The following PTPRT variants were observed in gnomAD, a reference collection of about 807,000 sequenced individuals.
The protein encoded by PTPRT is receptor-type tyrosine-protein phosphatase T.
PTPRT carries 56 observed loss-of-function variants against 176.8 expected under a neutral mutation model. That is an observed-to-expected ratio of 0.32 (90% CI 0.26 to 0.40). The LOEUF (loss-of-function observed/expected upper bound fraction) is 0.40. Among genes scored for constraint, PTPRT ranks in the 10% least tolerant of loss-of-function variants. The pLI is 1.00. For missense variants in PTPRT, 1,540 were observed against 1,908.2 expected (o/e 0.81, Z 3.60); for synonymous variants, 783 against 739.0 (o/e 1.06, Z -0.96).
At chr20:42,929,996 C>A (rs2145970389) in intron 1 of PTPRT, among the ~76,000 whole-genome samples, 1 of 152,324 alleles carries the variant, frequency 6.6e-6, no homozygotes, top group East Asian at 1.9e-4. Flanking sequence ...CAAATGGTCC[C>A]CCAATTAGGA....
At chr20:43,168,458 G>A (rs1405829693) in intron 1 of PTPRT, among the ~76,000 whole-genome samples, 2 of 152,144 alleles carry the variant, frequency 1.3e-5, no homozygotes, top group Non-Finnish European at 2.9e-5. Context: ...GGTATCCTCT[G>A]GTTGGGAATC....
At chr20:42,788,754 T>G (rs1289170019) in intron 3 of PTPRT, among the ~76,000 whole-genome samples, 2 of 152,206 alleles carry the variant, frequency 1.3e-5, no homozygotes, top group Non-Finnish European at 2.9e-5. Flanking sequence ...AGGATGAGAA[T>G]GAGCAGAACC....
intron 16 of PTPRT, among the ~76,000 whole-genome samples, chr20:42,184,595 C>CT (rs1990684333): frequency 1.2e-3 from 34 of 29,420 alleles, no homozygotes; most frequent in South Asian, 6.5e-3. Flanking sequence ...CTTCTTCTTC[C>CT]TCTTCTTCTT....
At chr20:43,003,566 T>C (rs1984701637) in intron 1 of PTPRT, among the ~76,000 whole-genome samples, 1 of 152,218 alleles carries the variant, frequency 6.6e-6, no homozygotes, top group African/African-American at 2.4e-5. Flanking sequence ...GCCAGCAACA[T>C]GGGCATCACC....
chr20:42,317,287 C>T (rs2057734506), intron 11 of PTPRT, among the ~76,000 whole-genome samples: 1 of 152,126 alleles, frequency 6.6e-6, no homozygotes, highest in African/African-American at 2.4e-5. Context: ...TATTGAATAT[C>T]AACTGATACC....
rs2015477588 is a variant in PTPRT at position 43,189,320 on chromosome 20, G to A, written c.88+326C>T. 1.3e-5 allele frequency among the ~76,000 whole-genome samples: 2 copies of A among 152,202 alleles called. No individual in the cohort carries two copies. The highest frequency in any genetic ancestry group is 4.1e-4 in the South Asian group (2 of 4,838). ...TCTCGCCGCCCCAAACACTCAAGTG[G>A]CAGATTCCGACAAGTGGGAGGCAGC... On this transcript the variant is annotated intron_variant, in intron 1 of 30. Coordinates refer to ENST00000373187, the MANE Select transcript of PTPRT (RefSeq NM_007050.6). The surrounding 1 kb of genome is among the most constrained non-coding windows in gnomAD (Gnocchi z 5.0).
chr20:43,146,558 C>CA lies in PTPRT; in HGVS notation c.88+43087dup, dbSNP rs11324602. ...AAATAAAGACTCTTCACTTCTGAAC[C>CA]AAAAAAAAAAAAAATCACCCCAAAA... On this transcript the variant is annotated intron_variant, in intron 1 of 30. Coordinates refer to ENST00000373187, the MANE Select transcript of PTPRT (RefSeq NM_007050.6). Among the ~76,000 whole-genome samples the CA allele has an allele frequency of 2.3e-3, 327 of 144,174 alleles. 2 individuals carry two copies. The highest frequency in any genetic ancestry group is 0.013 in the East Asian group (65 of 4,964). 94.6% of individuals were successfully genotyped at this position (144,174 alleles called of 152,430 possible).
chr20:42,424,854 T>C (rs1004620429), intron 9 of PTPRT, among the ~76,000 whole-genome samples: 1 of 150,158 alleles, frequency 6.7e-6, no homozygotes, highest in Non-Finnish European at 1.5e-5. Context: ...TGTAGGGAGA[T>C]GGTTCCAGTA....
At chr20:42,293,378 T>A (rs2057345287) in intron 12 of PTPRT, among the ~76,000 whole-genome samples, 1 of 152,106 alleles carries the variant, frequency 6.6e-6, no homozygotes, top group Non-Finnish European at 1.5e-5. Flanking sequence ...AACTGACCAT[T>A]CCCTCCTTGA....
At chr20:42,984,909 G>T (rs185960631) in intron 1 of PTPRT, among the ~76,000 whole-genome samples, 1 of 152,164 alleles carries the variant, frequency 6.6e-6, no homozygotes, top group African/African-American at 2.4e-5. Context: ...AAGTGCTAAC[G>T]ACAGAGGCTG....
intron 2 of PTPRT, among the ~76,000 whole-genome samples, chr20:42,882,598 C>G (rs1318796718): frequency 6.6e-6 from 1 of 152,174 alleles, no homozygotes; most frequent in Non-Finnish European, 1.5e-5. Context: ...TCATTCATTC[C>G]TGTATTAATA....
chr20:42,245,983 T>C lies in PTPRT; in HGVS notation c.2312+2704A>G, dbSNP rs536922987. Among the ~76,000 whole-genome samples the C allele has an allele frequency of 9.2e-5, 14 of 152,308 alleles. No individual in the cohort carries two copies. In the South Asian group the frequency reaches 1.4e-3, roughly 16 times the overall value. On this transcript the variant is annotated intron_variant, in intron 14 of 30. Transcript: ENST00000373187. ...TGAGTCCAAGCACTGTAGGTGATGATAGGACACTGAGGAGATGTTAACACT... is the reference window on the plus strand; with the variant it reads ...TGAGTCCAAGCACTGTAGGTGATGACAGGACACTGAGGAGATGTTAACACT...
intron 1 of PTPRT, among the ~76,000 whole-genome samples, chr20:43,186,503 T>C (rs534353851): frequency 1.3e-5 from 2 of 152,330 alleles, no homozygotes; most frequent in South Asian, 4.1e-4. Flanking sequence ...GAAAGAGTGA[T>C]GCTGTCATGT....
At chr20:42,298,631 T>C (rs1470294421) in intron 12 of PTPRT, among the ~76,000 whole-genome samples, 1 of 152,098 alleles carries the variant, frequency 6.6e-6, no homozygotes, top group African/African-American at 2.4e-5. Flanking sequence ...AATCACATAA[T>C]AGAGTACTGT....
intron 7 of PTPRT, among the ~76,000 whole-genome samples, chr20:42,596,146 A>C (rs1221225577): frequency 6.6e-6 from 1 of 152,166 alleles, no homozygotes; most frequent in African/African-American, 2.4e-5. Context: ...CAAGGCCCAG[A>C]GTGTCCAGTG....
At chr20:42,765,940 C>T (rs964372788) in intron 5 of PTPRT, among the ~76,000 whole-genome samples, 2 of 151,968 alleles carry the variant, frequency 1.3e-5, no homozygotes, top group Admixed American at 6.6e-5. Flanking sequence ...ACATTTTTGT[C>T]CCCATCTCTA....
chr20:43,096,846 GT>G (rs2012190166), intron 1 of PTPRT, among the ~76,000 whole-genome samples: 1 of 152,184 alleles, frequency 6.6e-6, no homozygotes, highest in Non-Finnish European at 1.5e-5. Flanking sequence ...AGCTGAGGAG[GT>G]TGGAGGCCCC....
the PTPRT span, among the ~76,000 whole-genome samples, chr20:42,064,617 G>C: frequency 6.6e-6 from 1 of 151,814 alleles, no homozygotes; most frequent in Non-Finnish European, 1.5e-5. Context: ...TATTTATTTT[G>C]CATACTTATT....
intron 9 of PTPRT, among the ~76,000 whole-genome samples, chr20:42,394,593 C>A (rs1466083054): frequency 6.6e-6 from 1 of 152,142 alleles, no homozygotes; most frequent in East Asian, 1.9e-4. Flanking sequence ...AGCAATTCCG[C>A]AGCTTAGGAT....
Sources: allele counts gnomAD v4.1 joint callset (sites outside exome capture counted in the v4.1 genomes callset), GRCh38; gene constraint gnomAD v4.1.1; non-coding constraint Gnocchi (gnomAD v3.1); transcripts MANE v1.5; gene names NCBI Gene and HGNC (gene_info 2026-07-23, HGNC 2026-07-21).